ITPKA: variants seen among roughly 807,000 people sequenced by gnomAD.
ITPKA encodes inositol-trisphosphate 3-kinase A, also known as IP3 3-kinase A.
ITPKA carries 16 observed loss-of-function variants against 40.7 expected under a neutral mutation model. The observed-to-expected ratio is 0.39, with a 90% CI of 0.27 to 0.60. ITPKA has a LOEUF of 0.60. Ranked by LOEUF, ITPKA falls within the 20% of genes least tolerant of loss-of-function variation. The pLI, the probability that ITPKA is intolerant of heterozygous loss-of-function variation, is 0.50. For missense variants in ITPKA, 540 were observed against 649.3 expected, an observed-to-expected ratio of 0.83 and a Z score of 1.83; for synonymous variants, 313 against 289.9, an observed-to-expected ratio of 1.08 and a Z score of -0.81.
In ITPKA at chr15:41,493,975, G is replaced by C. The variant is rs190590881; in HGVS notation, c.48G>C (p.Ala16=). The C allele has an allele frequency of 0.013, 13,598 of 1,086,994 alleles. 370 individuals are homozygous for C. Among genetic ancestry groups the C allele is most frequent in the African/African-American group, 0.096 (5,725 of 59,378 alleles). 67.3% of individuals were successfully genotyped at this position (1,086,994 alleles called of 1,614,324 possible). A position where few individuals can be genotyped will look rare whatever the true frequency, so the allele number is the denominator to read the frequency against. The change falls in exon 1 of 7, where the codon GCG becomes GCC. Residue 16 remains alanine, a synonymous_variant. Coordinates refer to ENST00000260386, the MANE Select transcript of ITPKA (RefSeq NM_002220.3). ...CGGGCATGGCGCGGCCGGGGGGCGC[G>C]AGGCCCTGCAGCCCGGGGCTGGAGC... is the stretch of plus-strand genomic sequence containing the variant. ...GPTGMARPGG[A]RPCSPGLERA...
Position 41,503,450 on chromosome 15 carries a change from A to T in ITPKA, c.*284A>T. 1 of 622,858 alleles carries T rather than the reference A, an allele frequency of 1.6e-6. No homozygotes were observed. Among genetic ancestry groups the T allele is most frequent in the East Asian group, 3.2e-5 (1 of 31,108 alleles). The allele number at this position is 622,858 out of a possible 1,614,324, so 38.6% of individuals were successfully genotyped here. A position where few individuals can be genotyped will look rare whatever the true frequency, so the allele number is the denominator to read the frequency against. On this transcript the variant is annotated 3_prime_UTR_variant, in exon 7 of 7. Coordinates refer to ENST00000260386, the MANE Select transcript of ITPKA (RefSeq NM_002220.3). ...CTTCTGAGGAGGCTCTGCCCTCTCC[A>T]GAGGTGCCAGACCGCGGATTTTATT...
At position 41,494,439 on chromosome 15, in the gene ITPKA, C is replaced by T. The variant is rs1431122515; in HGVS notation, c.489+23C>T. 26 of 1,385,154 alleles carry T rather than the reference C, an allele frequency of 1.9e-5. No homozygotes were observed. The highest frequency in any genetic ancestry group is 2.3e-5 in the Non-Finnish European group (25 of 1,068,206). 85.8% of individuals were successfully genotyped at this position (1,385,154 alleles called of 1,614,324 possible). A position where few individuals can be genotyped will look rare whatever the true frequency, so the allele number is the denominator to read the frequency against. On this transcript the variant is annotated intron_variant, in intron 1 of 6. Coordinates refer to ENST00000260386, the MANE Select transcript of ITPKA (RefSeq NM_002220.3). The surrounding 1 kb of genome is among the most constrained non-coding windows in gnomAD (Gnocchi z 7.8). ...CAGGTACGGGCCGCGGGGGCGGGGC[C>T]AGCGCCGGGCGCGGGGGCTGCACGG...
At chr15:41,501,053 A>C (rs1225313510) in intron 1 of ITPKA, among the ~76,000 whole-genome samples, 1 of 150,582 alleles carries the variant, frequency 6.6e-6, no homozygotes, top group Admixed American at 6.6e-5. Context: ...CTCTAGACCA[A>C]CTTAGAACAT....
rs75516293 is a variant in ITPKA, at chr15:41,500,363, G to A, written c.490-1100G>A. Among the ~76,000 whole-genome samples the A allele has an allele frequency of 1.4e-3, 207 of 152,326 alleles. 1 individual carries two copies. The highest frequency in any genetic ancestry group is 2.9e-3 in the Admixed American group (44 of 15,310). The stretch of plus-strand genomic sequence containing the variant: ...TGCATAGAATCCAGGGATAGCAAGA[G>A]AGGCTTGGAGAGCCTTTTCTTTCTC... On this transcript the variant is annotated intron_variant, in intron 1 of 6. Transcript: ENST00000260386.
Position 41,503,025 on chromosome 15 carries a change from C to A in ITPKA, c.1245C>A (p.Ile415=). 3 of 1,609,874 alleles carry A rather than the reference C, an allele frequency of 1.9e-6. No individual in the cohort carries two copies. Among genetic ancestry groups the A allele is most frequent in the Non-Finnish European group, 2.5e-6 (3 of 1,177,700 alleles). ...GCCATCGCGCCGGCGTGTGGCTCATCGACTTCGGCAAGACCACGCCCCTCC... is the reference window on the plus strand; with the variant it reads ...GCCATCGCGCCGGCGTGTGGCTCATAGACTTCGGCAAGACCACGCCCCTCC... ...DHCHRAGVWL[I]DFGKTTPLPD... is the part of the protein sequence containing the mutation. Residue 415 remains isoleucine (I), a synonymous_variant, in exon 7 of 7, where the codon ATC becomes ATA. Coordinates refer to ENST00000260386, the MANE Select transcript of ITPKA (RefSeq NM_002220.3).
At position 41,503,510 on chromosome 15, in the gene ITPKA, A is replaced by AGTG. The variant is rs2051142001; in HGVS notation, c.*344_*345insGTG. On this transcript the variant is annotated 3_prime_UTR_variant, in exon 7 of 7. Coordinates refer to ENST00000260386, the MANE Select transcript of ITPKA (RefSeq NM_002220.3). Reference sequence around the variant, plus strand: ...CAGACCTTCCGGTCTAACGTCTCACACCACGACGGACTCCCCTTCCTAATA... The same window carrying AGTG: ...CAGACCTTCCGGTCTAACGTCTCACAGTGCCACGACGGACTCCCCTTCCTAATA... 2 of 599,418 alleles carry AGTG rather than the reference A, an allele frequency of 3.3e-6. No homozygotes were observed. The highest frequency in any genetic ancestry group is 6.4e-6 in the Non-Finnish European group (2 of 312,954). 37.1% of individuals were successfully genotyped at this position (599,418 alleles called of 1,614,324 possible). A position where few individuals can be genotyped will look rare whatever the true frequency, so the allele number is the denominator to read the frequency against.
In ITPKA at chr15:41,501,689, C is replaced by G; in HGVS notation, c.641C>G (p.Pro214Arg). 1.2e-6 allele frequency: 2 copies of G among 1,609,970 alleles called. No individual in the cohort carries two copies. The highest frequency in any genetic ancestry group is 1.7e-6 in the Non-Finnish European group (2 of 1,178,712). The change falls in exon 3 of 7, where the codon CCG becomes CGG. Residue 214 changes from proline (P) to arginine (R), a missense_variant. Pro to Arg is a moderately radical substitution (Grantham distance 103, BLOSUM62 -2). Coordinates refer to ENST00000260386, the MANE Select transcript of ITPKA (RefSeq NM_002220.3). ...SGLILKRCSE[P>R]ERYCLARLMA... The stretch of plus-strand genomic sequence containing the variant: ...CTGATCCTGAAGCGCTGCTCGGAGC[C>G]GGAGCGCTACTGCCTGGCGCGGCTG...
chr15:41,502,665 G>T, intron 5 of ITPKA, 123 bp from the exon 6 acceptor site: 1 of 1,049,888 alleles, frequency 9.5e-7, no homozygotes, highest in Non-Finnish European at 1.4e-6. Flanking sequence ...GCTGGGCGGG[G>T]CCCTGGGTCC....
At chr15:41,495,351 G>T (rs1050680541) in intron 1 of ITPKA, among the ~76,000 whole-genome samples, 1 of 152,186 alleles carries the variant, frequency 6.6e-6, no homozygotes, top group Non-Finnish European at 1.5e-5. Context: ...GGCGAGGGGC[G>T]CCCCCGGCCT....
At chr15:41,500,646 C>CT (rs1159236585) in intron 1 of ITPKA, among the ~76,000 whole-genome samples, 1 of 152,246 alleles carries the variant, frequency 6.6e-6, no homozygotes, top group South Asian at 2.1e-4. Context: ...TTTTATAGAT[C>CT]TTTTTCTTAC....
In ITPKA at chr15:41,501,863, C is replaced by A. The variant is rs1301692995; in HGVS notation, c.803+12C>A. The A allele has an allele frequency of 1.9e-6, 3 of 1,611,000 alleles. No homozygotes were observed. The highest frequency in any genetic ancestry group is 2.2e-5 in the South Asian group (2 of 90,924). ...AAAATGGGCGTCAGGTATGCGTGCCCTGCCAGGTCGGTTGGGGGGATCAAG... is the reference window on the plus strand; with the variant it reads ...AAAATGGGCGTCAGGTATGCGTGCCATGCCAGGTCGGTTGGGGGGATCAAG... On this transcript the variant is annotated intron_variant, in intron 3 of 6. Coordinates refer to ENST00000260386, the MANE Select transcript of ITPKA (RefSeq NM_002220.3).
At chr15:41,502,590 G>A (rs1427997825) in intron 5 of ITPKA, 87 bp downstream of exon 5, 2 of 962,818 alleles carry the variant, frequency 2.1e-6, no homozygotes, top group Non-Finnish European at 3.3e-6. Flanking sequence ...CCTCGGCTGT[G>A]TCCCCACCAT....
At chr15:41,496,262 G>T (rs1297708165) in intron 1 of ITPKA, among the ~76,000 whole-genome samples, 2 of 152,260 alleles carry the variant, frequency 1.3e-5, no homozygotes, top group African/African-American at 2.4e-5. Flanking sequence ...GGCTGGTCCG[G>T]CTGACCGTGA....
chr15:41,497,449 A>T (rs2051081368), intron 1 of ITPKA, among the ~76,000 whole-genome samples: 1 of 152,166 alleles, frequency 6.6e-6, no homozygotes, highest in African/African-American at 2.4e-5. Context: ...GCTGCTCTCG[A>T]ACTCCTGACC....
chr15:41,502,428 C>T lies in ITPKA; in HGVS notation c.1035C>T (p.Asp345=), dbSNP rs759458515. The T allele has an allele frequency of 1.2e-6, 2 of 1,604,386 alleles. No homozygotes were observed. The highest frequency in any genetic ancestry group is 2.7e-5 in the African/African-American group (2 of 74,738). ...IKKADGSCST[D]FKTTRSREQV... ...AAGCGGACGGCTCCTGCAGCACCGA[C>T]TTCAAGACTACGCGAAGCCGAGAGC... is the stretch of plus-strand genomic sequence containing the variant. The change falls in exon 5 of 7, where the codon GAC becomes GAT. Residue 345 remains aspartate, a synonymous_variant. Coordinates refer to ENST00000260386, the MANE Select transcript of ITPKA (RefSeq NM_002220.3).
chr15:41,498,951 G>C (rs142474443), intron 1 of ITPKA, among the ~76,000 whole-genome samples: 174 of 152,302 alleles, frequency 1.1e-3, no homozygotes, highest in African/African-American at 3.8e-3. Context: ...TGGAGGCAGG[G>C]CATGAGGGGA....
At chr15:41,495,226 C>T (rs534298843) in intron 1 of ITPKA, among the ~76,000 whole-genome samples, 18 of 152,228 alleles carry the variant, frequency 1.2e-4, no homozygotes, top group Non-Finnish European at 2.2e-4. Context: ...CCGGGACACC[C>T]TCCTTGTTCC....
In ITPKA at chr15:41,503,422, G is replaced by C; in HGVS notation, c.*256G>C. The C allele has an allele frequency of 1.7e-6, 1 of 594,796 alleles. No homozygotes were observed. Among genetic ancestry groups the C allele is most frequent in the East Asian group, 3.1e-5 (1 of 32,744 alleles). 36.8% of individuals were successfully genotyped at this position (594,796 alleles called of 1,614,324 possible). The stretch of plus-strand genomic sequence containing the variant: ...GGCAAAGGGCTTCTTCCTCAGGCCA[G>C]CTCTTCTGAGGAGGCTCTGCCCTCT... On this transcript the variant is annotated 3_prime_UTR_variant, in exon 7 of 7. Coordinates refer to ENST00000260386, the MANE Select transcript of ITPKA (RefSeq NM_002220.3).
At position 41,503,399 on chromosome 15, in the gene ITPKA, C is replaced by T. The variant is rs534194994; in HGVS notation, c.*233C>T. On this transcript the variant is annotated 3_prime_UTR_variant, in exon 7 of 7. Coordinates refer to ENST00000260386, the MANE Select transcript of ITPKA (RefSeq NM_002220.3). ...CACTAACTTATAGAAGGGGAGGGGGCAAAGGGCTTCTTCCTCAGGCCAGCT... is the reference window on the plus strand; with the variant it reads ...CACTAACTTATAGAAGGGGAGGGGGTAAAGGGCTTCTTCCTCAGGCCAGCT... The T allele has an allele frequency of 3.5e-5, 21 of 592,254 alleles. No individual in the cohort carries two copies. Among genetic ancestry groups the T allele is most frequent in the African/African-American group, 3.3e-4 (18 of 53,912 alleles). The allele number at this position is 592,254 out of a possible 1,614,324, so 36.7% of individuals were successfully genotyped here.
Sources: gnomAD v4.1 joint callset for allele counts (sites outside exome capture counted in the v4.1 genomes callset) on GRCh38, gnomAD v4.1.1 for gene constraint, Gnocchi (gnomAD v3.1) non-coding constraint, MANE v1.5 for transcripts, NCBI Gene and HGNC (gene_info 2026-07-23, HGNC 2026-07-21) for gene names.